The following PELI1 variants were observed in gnomAD, a reference collection of about 807,000 sequenced individuals.
PELI1 encodes pellino E3 ubiquitin protein ligase 1, also known as E3 ubiquitin-protein ligase pellino homolog 1.
In PELI1, 15 loss-of-function variants were observed where a neutral mutation model predicts 41.3. That is an observed-to-expected ratio of 0.36 (90% confidence interval 0.24 to 0.56). The LOEUF is 0.56. Among genes scored for constraint, PELI1 ranks in the 20% least tolerant of loss-of-function variants. The pLI is 0.82. For synonymous variants in PELI1, 178 were observed against 180.1 expected (o/e 0.99, Z 0.09); for missense variants, 403 against 525.5 (o/e 0.77, Z 2.28).
intron 1 of PELI1, among the ~76,000 whole-genome samples, chr2:64,111,145 A>G (rs1452385645): frequency 6.6e-6 from 1 of 152,074 alleles, no homozygotes; most frequent in East Asian, 1.9e-4. Flanking sequence ...GCTAGCCCAT[A>G]AAAGTCTCCT....
intron 1 of PELI1, among the ~76,000 whole-genome samples, chr2:64,134,053 A>G (rs1681643263): frequency 6.6e-6 from 1 of 152,112 alleles, no homozygotes; most frequent in South Asian, 2.1e-4. Context: ...GATGGTATGA[A>G]GGAGCCTTCA....
intron 3 of PELI1, among the ~76,000 whole-genome samples, chr2:64,102,325 T>C (rs1449047636): frequency 1.3e-5 from 2 of 152,062 alleles, no homozygotes; most frequent in Non-Finnish European, 2.9e-5. Context: ...TTTAAACATA[T>C]ATATACATAT....
At chr2:64,126,886 C>T (rs1477960804) in intron 1 of PELI1, among the ~76,000 whole-genome samples, 3 of 151,830 alleles carry the variant, frequency 2.0e-5, no homozygotes, top group Non-Finnish European at 2.9e-5. Flanking sequence ...ATTGTGTTCT[C>T]AGGAAAGGGT....
chr2:64,124,164 G>C (rs1273950954), intron 1 of PELI1, among the ~76,000 whole-genome samples: 1 of 152,108 alleles, frequency 6.6e-6, no homozygotes, highest in Non-Finnish European at 1.5e-5. Context: ...AGGAAATTGG[G>C]GAATGATAGC....
At chr2:64,117,452 G>C (rs1681036360) in intron 1 of PELI1, among the ~76,000 whole-genome samples, 1 of 151,732 alleles carries the variant, frequency 6.6e-6, no homozygotes, top group Non-Finnish European at 1.5e-5. Flanking sequence ...ATAAATGTTT[G>C]ATTCTCCATG....
intron 3 of PELI1, 160 bp downstream of exon 3, chr2:64,104,541 G>T: frequency 8.9e-7 from 1 of 1,123,392 alleles, no homozygotes. Context: ...CCATATGGCA[G>T]CTCTTCAAAT....
intron 1 of PELI1, among the ~76,000 whole-genome samples, chr2:64,125,980 A>G (rs1681370965): frequency 6.6e-6 from 1 of 152,246 alleles, no homozygotes; most frequent in African/African-American, 2.4e-5. Context: ...ATATCTCATA[A>G]TATATATGCA....
At chr2:64,139,715 T>A (rs150151701) in intron 1 of PELI1, among the ~76,000 whole-genome samples, 1 of 152,248 alleles carries the variant, frequency 6.6e-6, no homozygotes, top group African/African-American at 2.4e-5. Context: ...ACCTGTGACA[T>A]GTAAACGGCA....
intron 1 of PELI1, among the ~76,000 whole-genome samples, chr2:64,141,875 A>G (rs1353142902): frequency 2.0e-5 from 3 of 152,208 alleles, no homozygotes; most frequent in Non-Finnish European, 4.4e-5. Context: ...TGTGGATTCC[A>G]GTGACTGAGC....
chr2:64,125,107 G>A (rs1264477956), intron 1 of PELI1, among the ~76,000 whole-genome samples: 2 of 152,054 alleles, frequency 1.3e-5, no homozygotes, highest in Non-Finnish European at 2.9e-5. Flanking sequence ...GCGCGGGGAG[G>A]GTAGAGCAGT....
intron 1 of PELI1, among the ~76,000 whole-genome samples, chr2:64,108,753 G>C (rs145346929): frequency 2.0e-3 from 311 of 152,282 alleles, no homozygotes; most frequent in African/African-American, 7.1e-3. Flanking sequence ...TAAATTCTCT[G>C]GGTTTTCTTT....
intron 4 of PELI1, among the ~76,000 whole-genome samples, chr2:64,099,069 C>T (rs528065825): frequency 3.1e-4 from 47 of 152,116 alleles, no homozygotes; most frequent in African/African-American, 1.1e-3. Context: ...CACAAGATTT[C>T]AGTTAACCTC....
chr2:64,135,894 T>C (rs1397519033), intron 1 of PELI1, among the ~76,000 whole-genome samples: 2 of 152,250 alleles, frequency 1.3e-5, no homozygotes, highest in African/African-American at 2.4e-5. Flanking sequence ...TTTACACATC[T>C]GAGCCTTAGC....
At position 64,100,462 on chromosome 2, in the gene PELI1, G is replaced by C. The variant is rs1368427182; in HGVS notation, c.239C>G (p.Thr80Ser). The change falls in exon 4 of 7, where the codon ACT becomes AGT. Residue 80 changes from threonine to serine, a missense_variant. Thr to Ser is a moderately conservative substitution (Grantham distance 58). Coordinates refer to ENST00000358912, the MANE Select transcript of PELI1 (RefSeq NM_020651.4). ...SNKDQHSISY[T>S]LSRAQTVVVE... The stretch of plus-strand genomic sequence containing the variant: ...CACCACAGTCTGGGCCCGAGATAAA[G>C]TATATGATATGCTATGCTGGTCTTT... 3.1e-6 allele frequency: 5 copies of C among 1,587,342 alleles called. No homozygotes were observed. The highest frequency in any genetic ancestry group is 4.3e-6 in the Non-Finnish European group (5 of 1,155,888).
intron 1 of PELI1, among the ~76,000 whole-genome samples, chr2:64,139,755 A>G (rs1174222592): frequency 1.3e-5 from 2 of 152,226 alleles, no homozygotes; most frequent in African/African-American, 2.4e-5. Flanking sequence ...TTTGGCATCC[A>G]TGCCAAAAGT....
At chr2:64,098,224 CCTG>C (rs1404676447) in intron 4 of PELI1, among the ~76,000 whole-genome samples, 4 of 152,174 alleles carry the variant, frequency 2.6e-5, no homozygotes, top group Non-Finnish European at 5.9e-5. Flanking sequence ...TAATTCTTCC[CCTG>C]CTATTATTAG....
chr2:64,140,804 C>CAAAAAAAAAAAAAAAAAA (rs200569281), intron 1 of PELI1, among the ~76,000 whole-genome samples: 2 of 102,608 alleles, frequency 1.9e-5, no homozygotes, highest in Non-Finnish European at 3.6e-5. Flanking sequence ...AAAAAACAAA[C>CAAAAAAAAAAAAAAAAAA]AAACAAAAAA....
At chr2:64,126,233 A>G (rs111445091) in intron 1 of PELI1, among the ~76,000 whole-genome samples, 3,463 of 152,252 alleles carry the variant, frequency 0.023, 110 homozygotes, top group African/African-American at 0.077. Flanking sequence ...ACACGATCAC[A>G]GATCACTGCA....
intron 1 of PELI1, among the ~76,000 whole-genome samples, chr2:64,129,896 G>A (rs186980841): frequency 6.6e-6 from 1 of 152,276 alleles, no homozygotes; most frequent in East Asian, 1.9e-4. Flanking sequence ...TTAAGGCAAT[G>A]TATGTACTAT....
Sources: gnomAD v4.1 joint callset for allele counts (sites outside exome capture counted in the v4.1 genomes callset) on GRCh38, gnomAD v4.1.1 for gene constraint, MANE v1.5 for transcripts, NCBI Gene and HGNC (gene_info 2026-07-23, HGNC 2026-07-21) for gene names.